The following RYR3 variants were observed in gnomAD, a reference collection of about 807,000 sequenced individuals.
RYR3 encodes the protein ryanodine receptor 3, also known as brain ryanodine receptor-calcium release channel.
RYR3 carries 207 observed loss-of-function variants against 584.3 expected under a neutral mutation model. The ratio of observed to expected loss-of-function variants is 0.35; its 90% CI spans 0.32 to 0.40. The LOEUF (loss-of-function observed/expected upper bound fraction) is 0.40, where lower values mean the gene tolerates loss of function less well. Among genes scored for constraint, RYR3 ranks in the 10% least tolerant of loss-of-function variants. The pLI, the probability that RYR3 is intolerant of heterozygous loss-of-function variation, is 1.00. For missense variants in RYR3, 5,616 were observed against 6,089.2 expected (o/e 0.92, Z 2.59); for synonymous variants, 2,416 against 2,248.5 (o/e 1.07, Z -2.11).
At chr15:33,816,811 G>C in intron 74 of RYR3, 51 bp from the exon 75 acceptor site, 1 of 1,255,880 alleles carries the variant, frequency 8.0e-7, no homozygotes, top group Non-Finnish European at 1.1e-6. Flanking sequence ...CAAACTAAAA[G>C]AACAAGTTCC....
At position 33,311,125 on chromosome 15, in the gene RYR3, T is replaced by C; in HGVS notation, c.51+29T>C. 1 of 1,541,314 alleles carries C rather than the reference T, an allele frequency of 6.5e-7. No individual in the cohort carries two copies. Among genetic ancestry groups the C allele is most frequent in the Non-Finnish European group, 8.8e-7 (1 of 1,139,560 alleles). On this transcript the variant is annotated intron_variant, in intron 1 of 103. Coordinates refer to ENST00000634891, the MANE Select transcript of RYR3 (RefSeq NM_001036.6). This position sits in a 1 kb window ranked among gnomAD's most constrained non-coding sequence, Gnocchi z 4.4. ...AGTCTCCGCGGCGGGGGCGAGGCCG[T>C]GGGCAGGTGGGGAGGAGCGCGGAGC...
chr15:33,507,766 T>C (rs1166186190), intron 3 of RYR3, among the ~76,000 whole-genome samples: 1 of 152,088 alleles, frequency 6.6e-6, no homozygotes, highest in African/African-American at 2.4e-5. Context: ...CCAGCCTATA[T>C]TGGACCAGGT....
chr15:33,381,155 C>T (rs1053757272), intron 1 of RYR3, among the ~76,000 whole-genome samples: 3 of 152,150 alleles, frequency 2.0e-5, no homozygotes, highest in Non-Finnish European at 4.4e-5. Context: ...GTCCAGGTTC[C>T]TCAGTTTGCT....
rs2075889905 is a variant in RYR3 at position 33,801,002 on chromosome 15, C to G, written c.9918+145C>G. 6.2e-6 allele frequency: 4 copies of G among 644,814 alleles called. No individual in the cohort carries two copies. In the Admixed American group the frequency reaches 7.4e-5, roughly 12 times the overall value. The allele number at this position is 644,814 out of a possible 1,614,324, so 39.9% of individuals were successfully genotyped here. ...TGAGGACCACGACCCATGACACTGC[C>G]TCAGGAGGTCCTGAGAACATGTGCC... On this transcript the variant is annotated intron_variant, in intron 68 of 103. Transcript: ENST00000634891.
At chr15:33,697,168 C>G (rs1299207412) in intron 39 of RYR3, among the ~76,000 whole-genome samples, 1 of 152,158 alleles carries the variant, frequency 6.6e-6, no homozygotes, top group East Asian at 1.9e-4. Flanking sequence ...CACCCTTGAG[C>G]CAGCATACCA....
intron 38 of RYR3, among the ~76,000 whole-genome samples, chr15:33,674,921 A>G (rs879604798): frequency 6.6e-6 from 1 of 152,136 alleles, no homozygotes; most frequent in Non-Finnish European, 1.5e-5. Flanking sequence ...GGAAAAAAAA[A>G]AAAAAAAGAG....
intron 99 of RYR3, 63 bp from the exon 100 acceptor site, chr15:33,859,512 G>A (rs1936121665): frequency 6.3e-7 from 1 of 1,574,924 alleles, no homozygotes; most frequent in African/African-American, 1.3e-5. Context: ...TGAATGATCT[G>A]AGCATCTTGC....
chr15:33,622,815 G>C (rs530785251), intron 19 of RYR3, among the ~76,000 whole-genome samples: 1 of 152,298 alleles, frequency 6.6e-6, no homozygotes, highest in South Asian at 2.1e-4. Flanking sequence ...CAGTTGACTT[G>C]TGAAAGCTCT....
chr15:33,688,122 A>G (rs1268793321), intron 38 of RYR3, among the ~76,000 whole-genome samples: 1 of 152,222 alleles, frequency 6.6e-6, no homozygotes, highest in African/African-American at 2.4e-5. Context: ...CAGAGTGAAC[A>G]GGCAACCTAC....
intron 38 of RYR3, among the ~76,000 whole-genome samples, chr15:33,671,307 G>A (rs925845722): frequency 6.6e-6 from 1 of 152,102 alleles, no homozygotes; most frequent in Admixed American, 6.5e-5. Flanking sequence ...TAAAGAAGAA[G>A]GAATTTCTCA....
intron 42 of RYR3, among the ~76,000 whole-genome samples, chr15:33,704,257 G>A (rs2066515855): frequency 1.3e-5 from 2 of 150,940 alleles, no homozygotes; most frequent in Admixed American, 1.3e-4. Context: ...CTGGGAGCCT[G>A]GGTGACAGAG....
At chr15:33,581,463 T>G in intron 13 of RYR3, 45 bp from the exon 14 acceptor site, 1 of 1,601,254 alleles carries the variant, frequency 6.2e-7, no homozygotes, top group Non-Finnish European at 8.5e-7. Flanking sequence ...GGACTGTGCT[T>G]TCTTAATCAG....
At chr15:33,687,096 G>A (rs8037400) in intron 38 of RYR3, among the ~76,000 whole-genome samples, 21,786 of 152,086 alleles carry the variant, frequency 0.14, 1,748 homozygotes, top group African/African-American at 0.22. Context: ...GAAATAAAGG[G>A]TATTCAATTA....
Position 33,461,538 on chromosome 15 carries a change from A to C in RYR3, c.52-11881A>C, listed in dbSNP as rs187264880. Among the ~76,000 whole-genome samples, 14 of 152,264 alleles carry C rather than the reference A, an allele frequency of 9.2e-5. No homozygotes were observed. The East Asian group carries it at 1.5e-3, about 17-fold the overall frequency. ...AATGAGTACTTTCAACATGTTTTCC[A>C]TATGATCGGTATTAGGGATACAAGA... On this transcript the variant is annotated intron_variant, in intron 1 of 103. Coordinates refer to ENST00000634891, the MANE Select transcript of RYR3 (RefSeq NM_001036.6).
At chr15:33,841,024 C>T (rs1432653718) in intron 90 of RYR3, 141 bp downstream of exon 90, 2 of 724,244 alleles carry the variant, frequency 2.8e-6, no homozygotes, top group Non-Finnish European at 2.3e-6. Flanking sequence ...TCGAGACCAT[C>T]CTGGGCAACA....
intron 27 of RYR3, among the ~76,000 whole-genome samples, chr15:33,638,240 A>G (rs2061607547): frequency 6.6e-6 from 1 of 152,218 alleles, no homozygotes; most frequent in South Asian, 2.1e-4. Flanking sequence ...GTTCAGAGGC[A>G]AAGGAGAGGA....
chr15:33,654,269 C>T (rs2062689281), intron 32 of RYR3, among the ~76,000 whole-genome samples: 1 of 152,074 alleles, frequency 6.6e-6, no homozygotes, highest in African/African-American at 2.4e-5. Context: ...GTTCCAGTAT[C>T]TTGGGGAGGC....
At chr15:33,425,781 A>G (rs2044581698) in intron 1 of RYR3, among the ~76,000 whole-genome samples, 1 of 151,472 alleles carries the variant, frequency 6.6e-6, no homozygotes, top group African/African-American at 2.4e-5. Context: ...AGCTGGGACT[A>G]CAGGCGCCCG....
At chr15:33,418,517 C>T (rs761096685) in intron 1 of RYR3, among the ~76,000 whole-genome samples, 5 of 151,854 alleles carry the variant, frequency 3.3e-5, no homozygotes, top group Non-Finnish European at 7.4e-5. Flanking sequence ...TGGGTTTCAG[C>T]AAGAGTTGAG....
Sources: gnomAD v4.1 joint callset for allele counts (sites outside exome capture counted in the v4.1 genomes callset) on GRCh38, gnomAD v4.1.1 for gene constraint, Gnocchi (gnomAD v3.1) non-coding constraint, MANE v1.5 for transcripts, NCBI Gene and HGNC (gene_info 2026-07-23, HGNC 2026-07-21) for gene names.